ZNF385D: variants seen among roughly 807,000 people sequenced by gnomAD.
ZNF385D encodes the protein zinc finger protein 659.
Under a neutral mutation model 35.8 loss-of-function variants are expected in ZNF385D, and 15 were observed. The observed-to-expected ratio is 0.42, with a 90% CI of 0.28 to 0.64. The LOEUF (loss-of-function observed/expected upper bound fraction) is 0.64, where lower values mean the gene tolerates loss of function less well. Ranked by LOEUF, ZNF385D falls within the 30% of genes least tolerant of loss-of-function variation. The pLI is 0.23. For synonymous variants in ZNF385D, 212 were observed against 186.8 expected, an observed-to-expected ratio of 1.13 and a Z score of -1.10; for missense variants, 474 against 494.6, an observed-to-expected ratio of 0.96 and a Z score of 0.39.
chr3:22,274,237 ATAC>A (rs1232831104), intron 2 of ZNF385D, among the ~76,000 whole-genome samples: 10 of 152,002 alleles, frequency 6.6e-5, no homozygotes, highest in Non-Finnish European at 1.3e-4. Context: ...GTATTATAAT[ATAC>A]TACTTTTGTC....
chr3:22,256,587 G>A (rs4858392), intron 2 of ZNF385D, among the ~76,000 whole-genome samples: 1 of 151,788 alleles, frequency 6.6e-6, no homozygotes. Context: ...GTCTACAAGT[G>A]AGATAGTGAT....
chr3:21,503,143 T>C (rs189479280), intron 4 of ZNF385D, among the ~76,000 whole-genome samples: 9 of 152,254 alleles, frequency 5.9e-5, no homozygotes, highest in Admixed American at 5.9e-4. Context: ...CACAAAAGCA[T>C]TTGTCTATCT....
intron 3 of ZNF385D, chr3:22,133,959 T>A (rs1200435687): frequency 1.3e-5 from 2 of 151,670 alleles, no homozygotes; most frequent in East Asian, 3.9e-4. Context: ...CCATGAGTGG[T>A]CCATATAAGA....
At chr3:22,120,130 G>T (rs199866352) in intron 3 of ZNF385D, among the ~76,000 whole-genome samples, 1 of 151,542 alleles carries the variant, frequency 6.6e-6, no homozygotes, top group East Asian at 1.9e-4. Flanking sequence ...ATGTCCTGCT[G>T]CATTTTTTTT....
chr3:21,663,906 T>TATATATATATATATATATATATAC (rs2066313922), intron 2 of ZNF385D, among the ~76,000 whole-genome samples: 1 of 122,366 alleles, frequency 8.2e-6, no homozygotes, highest in Non-Finnish European at 1.7e-5. Context: ...TATATATATA[T>TATATATATATATATATATATATAC]ATATATATAT....
chr3:22,177,854 A>T (rs568867443), intron 2 of ZNF385D, among the ~76,000 whole-genome samples: 1 of 152,072 alleles, frequency 6.6e-6, no homozygotes, highest in African/African-American at 2.4e-5. Context: ...TGTCCTTGTG[A>T]TAGTTTGCTG....
chr3:21,567,257 A>G (rs954292288), intron 2 of ZNF385D, among the ~76,000 whole-genome samples: 1 of 152,214 alleles, frequency 6.6e-6, no homozygotes, highest in Non-Finnish European at 1.5e-5. Flanking sequence ...AAATTACAGT[A>G]TCTCTTCCTT....
At chr3:21,562,760 G>T (rs2062997193) in intron 3 of ZNF385D, among the ~76,000 whole-genome samples, 1 of 152,096 alleles carries the variant, frequency 6.6e-6, no homozygotes, top group South Asian at 2.1e-4. Context: ...ATAATTGTTT[G>T]CTGAGTGTTT....
intron 3 of ZNF385D, among the ~76,000 whole-genome samples, chr3:21,914,982 G>C (rs915634284): frequency 6.6e-6 from 1 of 150,684 alleles, no homozygotes; most frequent in African/African-American, 2.4e-5. Context: ...ACGAGGAAAA[G>C]TTTGTGACTT....
chr3:22,086,545 A>G (rs1701054188), intron 3 of ZNF385D, among the ~76,000 whole-genome samples: 1 of 152,194 alleles, frequency 6.6e-6, no homozygotes, highest in Non-Finnish European at 1.5e-5. Flanking sequence ...CAACGAAATA[A>G]AAGAGGACAC....
At position 21,798,558 on chromosome 3, in the gene ZNF385D, G is replaced by A. The variant is rs1159126267; in HGVS notation, c.326-133530C>T. Among the ~76,000 whole-genome samples, 4 of 152,116 alleles carry A rather than the reference G, an allele frequency of 2.6e-5. No individual in the cohort carries two copies. In the East Asian group the frequency reaches 5.8e-4, roughly 22 times the overall value. On this transcript the variant is annotated intron_variant, in intron 3 of 5. Transcript: ENST00000494108. ...TCTCTTCAATTGGCTCATCTAATTA[G>A]GTCAGTCCCACCAGGATAATCTCCT...
chr3:21,853,470 C>T (rs1244014864), intron 3 of ZNF385D, among the ~76,000 whole-genome samples: 4 of 148,652 alleles, frequency 2.7e-5, no homozygotes, highest in Admixed American at 2.0e-4. Flanking sequence ...CTAAAGGTTT[C>T]AAGTGTTTTA....
intron 3 of ZNF385D, among the ~76,000 whole-genome samples, chr3:21,805,333 A>G (rs144257725): frequency 0.013 from 2,042 of 152,268 alleles, 20 homozygotes; most frequent in Middle Eastern, 0.044. Flanking sequence ...AATAGGTTGT[A>G]AATCTGGGTG....
chr3:22,355,559 G>C (rs1209215021), intron 2 of ZNF385D, among the ~76,000 whole-genome samples: 1 of 151,852 alleles, frequency 6.6e-6, no homozygotes, highest in Non-Finnish European at 1.5e-5. Flanking sequence ...AAGTCAATCA[G>C]CTCCATGATG....
chr3:21,809,829 G>C (rs988900662), intron 3 of ZNF385D, among the ~76,000 whole-genome samples: 4 of 151,574 alleles, frequency 2.6e-5, no homozygotes, highest in Non-Finnish European at 5.9e-5. Flanking sequence ...CAAAAAACCA[G>C]AATATAAACC....
At chr3:22,031,462 G>A (rs1185369243) in intron 3 of ZNF385D, among the ~76,000 whole-genome samples, 1 of 152,220 alleles carries the variant, frequency 6.6e-6, no homozygotes, top group Non-Finnish European at 1.5e-5. Flanking sequence ...AAGCCTCCAA[G>A]GCTTGGGTCT....
intron 3 of ZNF385D, among the ~76,000 whole-genome samples, chr3:21,859,120 T>A (rs1696897168): frequency 6.6e-6 from 1 of 152,160 alleles, no homozygotes; most frequent in African/African-American, 2.4e-5. Context: ...AGAAATGCCA[T>A]CTGGAAATAA....
chr3:21,427,990 T>C (rs1411759094), intron 5 of ZNF385D, among the ~76,000 whole-genome samples: 1 of 152,110 alleles, frequency 6.6e-6, no homozygotes, highest in African/African-American at 2.4e-5. Context: ...CACCATTAAA[T>C]GGAGTAGAAC....
chr3:21,511,143 G>C, intron 3 of ZNF385D, 120 bp from the exon 4 acceptor site: 1 of 1,249,658 alleles, frequency 8.0e-7, no homozygotes, highest in South Asian at 1.5e-5. Context: ...AATTCTGGCC[G>C]TGGCCAGACA....
Sources: allele counts gnomAD v4.1 joint callset (sites outside exome capture counted in the v4.1 genomes callset), GRCh38; gene constraint gnomAD v4.1.1; transcripts MANE v1.5; gene names NCBI Gene and HGNC (gene_info 2026-07-23, HGNC 2026-07-21).